STK31: variants seen among roughly 807,000 people sequenced by gnomAD.
The protein encoded by STK31 is serine/threonine kinase 31.
STK31 carries 89 observed loss-of-function variants against 129.7 expected under a neutral mutation model. That is an observed-to-expected ratio of 0.69 (90% CI 0.58 to 0.82). The LOEUF is 0.82. Among genes scored for constraint, STK31 ranks in the 40% least tolerant of loss-of-function variants. The probability of loss-of-function intolerance (pLI) is 0.00; values close to 1 mark genes in which losing one functional copy is unlikely to be tolerated. For synonymous variants in STK31, 448 were observed against 395.3 expected (o/e 1.13, Z -1.58); for missense variants, 1,187 against 1,176.4 (o/e 1.01, Z -0.13).
chr7:23,831,501 A>G (rs1056856662), intron 23 of STK31, among the ~76,000 whole-genome samples: 5 of 152,128 alleles, frequency 3.3e-5, no homozygotes, highest in Admixed American at 6.6e-5. Flanking sequence ...GGGTCATTTA[A>G]AAAAAAGAAA....
At chr7:23,727,132 A>T in intron 4 of STK31, 109 bp from the exon 5 acceptor site, 1 of 812,214 alleles carries the variant, frequency 1.2e-6, no homozygotes, top group African/African-American at 1.7e-5. Flanking sequence ...AATGAGTTAT[A>T]TATAAAGTAC....
chr7:23,812,738 G>T (rs1381731594), intron 22 of STK31, among the ~76,000 whole-genome samples: 1 of 150,204 alleles, frequency 6.7e-6, no homozygotes, highest in East Asian at 2.0e-4. Flanking sequence ...ATTTTATTTA[G>T]CTCCTACTTA....
chr7:23,773,206 C>G (rs1790315273), intron 15 of STK31, among the ~76,000 whole-genome samples: 1 of 152,052 alleles, frequency 6.6e-6, no homozygotes, highest in Non-Finnish European at 1.5e-5. Flanking sequence ...ACCCCCACCC[C>G]CTGACAGGCC....
At chr7:23,772,900 T>C (rs1241635498) in intron 15 of STK31, among the ~76,000 whole-genome samples, 3 of 152,176 alleles carry the variant, frequency 2.0e-5, no homozygotes, top group Non-Finnish European at 4.4e-5. Flanking sequence ...TTGAATTATC[T>C]GTCTTCTACT....
intron 6 of STK31, among the ~76,000 whole-genome samples, chr7:23,734,862 G>A (rs938974503): frequency 4.6e-5 from 7 of 152,148 alleles, no homozygotes; most frequent in Admixed American, 1.3e-4. Flanking sequence ...TTACTGGGGA[G>A]GCTGAGGCAG....
At chr7:23,764,410 C>T (rs1485597367) in intron 11 of STK31, among the ~76,000 whole-genome samples, 1 of 152,136 alleles carries the variant, frequency 6.6e-6, no homozygotes, top group Non-Finnish European at 1.5e-5. Flanking sequence ...TTAAACTTCT[C>T]TTTATTTTGC....
intron 22 of STK31, among the ~76,000 whole-genome samples, chr7:23,800,118 G>C (rs1047518736): frequency 6.6e-6 from 1 of 152,026 alleles, no homozygotes; most frequent in Admixed American, 6.6e-5. Flanking sequence ...AAATAGGAAC[G>C]CTTTACATTG....
rs766094933 is a variant in STK31, at chr7:23,710,263, G to T, written c.-23G>T. ...TAAGCCGCTGCACGTGTGCTACGGCGGGCGGAGGGCCGAAAGTCCAGTATG... is the reference window on the plus strand; with the variant it reads ...TAAGCCGCTGCACGTGTGCTACGGCTGGCGGAGGGCCGAAAGTCCAGTATG... On this transcript the variant is annotated 5_prime_UTR_variant, in exon 1 of 24. Coordinates refer to ENST00000355870, the MANE Select transcript of STK31 (RefSeq NM_031414.5). 2.5e-5 allele frequency: 40 copies of T among 1,610,404 alleles called. No homozygotes were observed. The highest frequency in any genetic ancestry group is 3.4e-5 in the Non-Finnish European group (40 of 1,179,346).
At chr7:23,734,924 C>G (rs1787631186) in intron 6 of STK31, among the ~76,000 whole-genome samples, 1 of 152,188 alleles carries the variant, frequency 6.6e-6, no homozygotes, top group Non-Finnish European at 1.5e-5. Context: ...GAGATTGTGC[C>G]ACTGCACTCC....
In STK31 at chr7:23,729,188, A is replaced by G. The variant is rs1341514294; in HGVS notation, c.422A>G (p.Lys141Arg). 9.3e-6 allele frequency: 15 copies of G among 1,612,034 alleles called. No individual in the cohort carries two copies. Among genetic ancestry groups the G allele is most frequent in the Non-Finnish European group, 1.3e-5 (15 of 1,179,662 alleles). ...GAGCTGCAGTTTTCTAGTGTTGCCA[A>G]AAAGTATAAACTTTGGGGACTACAC... ...PLELQFSSVA[K>R]KYKLWGLHIP... Residue 141 changes from lysine (K) to arginine (R), a missense_variant, in exon 6 of 24, where the codon AAA becomes AGA. By Grantham distance (26) the Lys-to-Arg change is conservative (BLOSUM62 2). Coordinates refer to ENST00000355870, the MANE Select transcript of STK31 (RefSeq NM_031414.5).
Position 23,752,849 on chromosome 7 carries a change from T to G in STK31, c.1133+17T>G. ...AGAAATGAGGTAGGTAAAAGCATAT[T>G]TTTCAGAAGGATATTTTAAACTAAT... On this transcript the variant is annotated intron_variant, in intron 9 of 23. Coordinates refer to ENST00000355870, the MANE Select transcript of STK31 (RefSeq NM_031414.5). The G allele has an allele frequency of 6.7e-7, 1 of 1,500,576 alleles. No individual in the cohort carries two copies. The allele number at this position is 1,500,576 out of a possible 1,614,324, so 93.0% of individuals were successfully genotyped here. A position where few individuals can be genotyped will look rare whatever the true frequency, so the allele number is the denominator to read the frequency against.
At chr7:23,730,894 T>C (rs1787391259) in intron 6 of STK31, among the ~76,000 whole-genome samples, 3 of 97,202 alleles carry the variant, frequency 3.1e-5, no homozygotes. Context: ...TTTTTTTTTT[T>C]TTGGTTGGGG....
intron 6 of STK31, among the ~76,000 whole-genome samples, chr7:23,731,067 A>T (rs1410361100): frequency 6.6e-6 from 1 of 151,214 alleles, no homozygotes; most frequent in Non-Finnish European, 1.5e-5. Context: ...TATTTTTAGT[A>T]GAGGTGGGGT....
intron 23 of STK31, among the ~76,000 whole-genome samples, chr7:23,816,997 C>T (rs1357373762): frequency 6.6e-6 from 1 of 152,000 alleles, no homozygotes; most frequent in African/African-American, 2.4e-5. Context: ...ACCAGCCTGC[C>T]CAACATGGTG....
chr7:23,802,711 A>G (rs183884666), intron 22 of STK31, among the ~76,000 whole-genome samples: 1 of 152,192 alleles, frequency 6.6e-6, no homozygotes, highest in African/African-American at 2.4e-5. Flanking sequence ...ATGAGGTTTC[A>G]CTATGTTGAC....
At chr7:23,819,314 A>G (rs1475255521) in intron 23 of STK31, among the ~76,000 whole-genome samples, 1 of 152,212 alleles carries the variant, frequency 6.6e-6, no homozygotes, top group Non-Finnish European at 1.5e-5. Flanking sequence ...ATATTCAGAT[A>G]CTGTTTTTTG....
chr7:23,777,931 C>T (rs6960694), intron 15 of STK31, among the ~76,000 whole-genome samples: 30,300 of 151,976 alleles, frequency 0.2, 3,106 homozygotes, highest in African/African-American at 0.23. Context: ...TTCATAGTGT[C>T]GACGGTCTTT....
chr7:23,726,159 C>T (rs1327345939), intron 4 of STK31: 4 of 152,110 alleles, frequency 2.6e-5, no homozygotes, highest in Non-Finnish European at 5.9e-5. Flanking sequence ...CAAATGATAT[C>T]CATCTAAATC....
chr7:23,730,878 A>ATATTTTTTTTTTTTTTTTT, intron 6 of STK31, among the ~76,000 whole-genome samples: 1 of 59,554 alleles, frequency 1.7e-5, no homozygotes, highest in Non-Finnish European at 3.3e-5. Flanking sequence ...ATATATATAT[A>ATATTTTTTTTTTTTTTTTT]TTTTTTTTTT....
Sources: allele counts gnomAD v4.1 joint callset (sites outside exome capture counted in the v4.1 genomes callset), GRCh38; gene constraint gnomAD v4.1.1; transcripts MANE v1.5; gene names NCBI Gene and HGNC (gene_info 2026-07-23, HGNC 2026-07-21).